Variants in PFKFB1 observed in about 807,000 individuals in gnomAD.
The protein encoded by PFKFB1 is 6-phosphofructo-2-kinase/fructose-2,6-biphosphatase 1, also known as 6-phosphofructo-2-kinase/fructose-2,6-bisphosphatase 1.
A neutral mutation model predicts 46.4 loss-of-function variants in PFKFB1; 34 were observed. The observed-to-expected ratio is 0.73, with a 90% CI of 0.56 to 0.98. The LOEUF (loss-of-function observed/expected upper bound fraction) is 0.98. Among genes scored for constraint, PFKFB1 ranks in the 50% least tolerant of loss-of-function variants. The pLI is 0.00. For missense variants in PFKFB1, 393 were observed against 376.3 expected, an observed-to-expected ratio of 1.04 and a Z score of -0.37; for synonymous variants, 119 against 133.8, an observed-to-expected ratio of 0.89 and a Z score of 0.76.
intron 1 of PFKFB1, among the ~76,000 whole-genome samples, chrX:54,990,394 A>G (rs956778973): frequency 8.9e-6 from 1 of 111,785 alleles, no homozygotes; most frequent in African/African-American, 3.2e-5. Flanking sequence ...TTTGAAAACT[A>G]TGTGAAGTAG....
chrX:54,935,110 C>G, intron 11 of PFKFB1, 101 bp from the exon 12 acceptor site: 1 of 639,740 alleles, frequency 1.6e-6, no homozygotes, highest in Non-Finnish European at 2.5e-6. Context: ...TCCATGTCCC[C>G]TTGCCGTGGT....
At chrX:54,962,120 G>A (rs771952713) in intron 2 of PFKFB1, among the ~76,000 whole-genome samples, 1 of 110,855 alleles carries the variant, frequency 9.0e-6, no homozygotes, top group African/African-American at 3.3e-5. Flanking sequence ...AGAGAATTGA[G>A]TGAAGAAGAT....
At chrX:54,994,212 GTA>G (rs1034097116), upstream of PFKFB1, 6 of 1,041,744 alleles carry the variant, frequency 5.8e-6, no homozygotes, top group African/African-American at 1.2e-4. Context: ...CTCTGCTCCT[GTA>G]TGTACTAGTG....
At chrX:54,941,471 G>A (rs1447780293) in intron 10 of PFKFB1, among the ~76,000 whole-genome samples, 1 of 111,665 alleles carries the variant, frequency 9.0e-6, no homozygotes, top group East Asian at 2.8e-4. Context: ...CAGAATGGGA[G>A]AAAATTTTTG....
chrX:54,967,024 C>T (rs1169805847), intron 1 of PFKFB1, among the ~76,000 whole-genome samples: 3 of 111,402 alleles, frequency 2.7e-5, no homozygotes, highest in Admixed American at 9.6e-5. Flanking sequence ...CTAGATGGTA[C>T]ACATGCAGGA....
intron 1 of PFKFB1, among the ~76,000 whole-genome samples, chrX:54,986,191 C>T (rs1325466036): frequency 8.9e-6 from 1 of 112,029 alleles, no homozygotes; most frequent in Non-Finnish European, 1.9e-5. Context: ...GTGGCTCACG[C>T]CTATAATCCG....
In PFKFB1 at chrX:54,956,226, C is replaced by A; in HGVS notation, c.565G>T (p.Val189Phe). 1 of 1,211,467 alleles carries A rather than the reference C, an allele frequency of 8.3e-7. No homozygotes were observed. Among genetic ancestry groups the A allele is most frequent in the Non-Finnish European group, 1.1e-6 (1 of 895,265 alleles). The stretch of plus-strand genomic sequence containing the variant: ...ATTCTCTTTAGAAAGTCTTCCAGAA[C>A]CTTTTCCCGGTCACAGTCTATATAA... ...PDYIDCDREKVLEDFLKRIEC... is the reference protein window; with the variant it reads ...PDYIDCDREKFLEDFLKRIEC... Residue 189 changes from valine to phenylalanine, a missense_variant, in exon 7 of 14, where the codon GTT (valine) becomes TTT (phenylalanine). By Grantham distance (50) the Val-to-Phe change is conservative. Transcript: ENST00000375006.
chrX:54,993,170 A>G (rs1935288291), intron 1 of PFKFB1, among the ~76,000 whole-genome samples: 2 of 111,958 alleles, frequency 1.8e-5, no homozygotes, highest in South Asian at 7.5e-4. Context: ...GTCGCCTGTT[A>G]TCTATGGGAA....
intron 1 of PFKFB1, among the ~76,000 whole-genome samples, chrX:54,971,343 T>C (rs1295640611): frequency 1.0e-5 from 1 of 98,540 alleles, no homozygotes; most frequent in Non-Finnish European, 2.0e-5. Flanking sequence ...TGAGTTTAAT[T>C]AGATCCCATT....
rs1316612051 is a variant in PFKFB1 at position 54,933,269 on chromosome X, A to G, written c.*134T>C. 2 of 503,208 alleles carry G rather than the reference A, an allele frequency of 4.0e-6. No individual in the cohort carries two copies. The highest frequency in any genetic ancestry group is 3.3e-5 in the Admixed American group (1 of 30,586). The allele number at this position is 503,208 out of a possible 1,213,427, so 41.5% of individuals were successfully genotyped here. A position where few individuals can be genotyped will look rare whatever the true frequency, so the allele number is the denominator to read the frequency against. On this transcript the variant is annotated 3_prime_UTR_variant, in exon 14 of 14. Transcript: ENST00000375006. ...GGCCAGCAAGCGAGGCTTGTTTGGG[A>G]GTTGCGGAGGACTTCTTCACTGGAA...
At chrX:54,959,740 T>A (rs1051177601) in intron 4 of PFKFB1, 87 bp downstream of exon 4, 105 of 579,334 alleles carry the variant, frequency 1.8e-4, no homozygotes, top group Non-Finnish European at 2.9e-4. Flanking sequence ...GAACATAATG[T>A]TCTGTACACA....
intron 10 of PFKFB1, among the ~76,000 whole-genome samples, chrX:54,941,318 G>T (rs1933622900): frequency 8.9e-6 from 1 of 111,848 alleles, no homozygotes; most frequent in South Asian, 3.8e-4. Context: ...TACCATTCAG[G>T]ACATAGGCAT....
intron 10 of PFKFB1, among the ~76,000 whole-genome samples, chrX:54,943,586 C>T (rs1462809485): frequency 9.1e-6 from 1 of 109,993 alleles, no homozygotes. Context: ...CCCGTCTCTA[C>T]TAAAAATACA....
chrX:54,996,254 A>G (rs1386803134), upstream of PFKFB1, among the ~76,000 whole-genome samples: 1 of 112,370 alleles, frequency 8.9e-6, no homozygotes, highest in Non-Finnish European at 1.9e-5. Context: ...AATCTTAATT[A>G]TAACCCTTTC....
chrX:54,960,869 T>C lies in PFKFB1; in HGVS notation c.272A>G (p.Tyr91Cys), dbSNP rs141391352. 20 of 1,191,476 alleles carry C rather than the reference T, an allele frequency of 1.7e-5. No homozygotes were observed. Among genetic ancestry groups the C allele is most frequent in the African/African-American group, 8.8e-5 (5 of 56,768 alleles). ...CATGTTGTCTGGAAGAAAGAATTCA[T>C]AGTTCTTGTAGCTCACTGCCTCTCG... is the stretch of plus-strand genomic sequence containing the variant. ...YRREAVSYKNYEFFLPDNMEA... is the reference protein window; with the variant it reads ...YRREAVSYKNCEFFLPDNMEA... Residue 91 changes from tyrosine (Y) to cysteine (C), a missense_variant, in exon 3 of 14, where the codon TAT becomes TGT. Coordinates refer to ENST00000375006, the MANE Select transcript of PFKFB1 (RefSeq NM_002625.4).
At chrX:54,974,397 C>T (rs972810774) in intron 1 of PFKFB1, among the ~76,000 whole-genome samples, 1 of 110,935 alleles carries the variant, frequency 9.0e-6, no homozygotes, top group Admixed American at 9.6e-5. Context: ...ATTGGCAAGC[C>T]ACATATAGAA....
intron 1 of PFKFB1, among the ~76,000 whole-genome samples, chrX:54,972,513 C>T (rs1239560014): frequency 2.7e-5 from 3 of 111,251 alleles, no homozygotes; most frequent in East Asian, 2.8e-4. Flanking sequence ...ATACGTCCCA[C>T]CAATACCTAA....
At chrX:54,941,841 C>T (rs998633324) in intron 10 of PFKFB1, among the ~76,000 whole-genome samples, 1 of 111,976 alleles carries the variant, frequency 8.9e-6, no homozygotes, top group Non-Finnish European at 1.9e-5. Flanking sequence ...GTGGCGTCTC[C>T]TCAGGGATCT....
At chrX:54,973,159 T>G (rs1259986603) in intron 1 of PFKFB1, among the ~76,000 whole-genome samples, 1 of 111,709 alleles carries the variant, frequency 9.0e-6, no homozygotes, top group East Asian at 2.8e-4. Context: ...TGACGGTAGT[T>G]TGTATTTCTG....
Sources: allele counts gnomAD v4.1 joint callset (sites outside exome capture counted in the v4.1 genomes callset), GRCh38; gene constraint gnomAD v4.1.1; transcripts MANE v1.5; gene names NCBI Gene and HGNC (gene_info 2026-07-23, HGNC 2026-07-21).